SLC18B1: variants seen among roughly 807,000 people sequenced by gnomAD.
The protein encoded by SLC18B1 is solute carrier family 18 member B1, also known as MFS-type transporter SLC18B1.
Under a neutral mutation model 53.9 loss-of-function variants are expected in SLC18B1, and 62 were observed. The observed-to-expected ratio is 1.15, with a 90% CI of 0.94 to 1.42. The LOEUF (loss-of-function observed/expected upper bound fraction) is 1.42. Among genes scored for constraint, SLC18B1 ranks in the 40% most tolerant of loss-of-function variants. SLC18B1 has a pLI of 0.00. For missense variants in SLC18B1, 598 were observed against 547.3 expected (o/e 1.09, Z -0.93); for synonymous variants, 217 against 200.9 (o/e 1.08, Z -0.68).
At chr6:132,782,017 G>C (rs1781250268) in intron 6 of SLC18B1, among the ~76,000 whole-genome samples, 1 of 151,468 alleles carries the variant, frequency 6.6e-6, no homozygotes, top group African/African-American at 2.4e-5. Flanking sequence ...GTGAAACTCT[G>C]TCTCTACTAA....
At chr6:132,772,868 A>C in intron 10 of SLC18B1, 125 bp downstream of exon 10, 2 of 637,704 alleles carry the variant, frequency 3.1e-6, no homozygotes, top group East Asian at 2.7e-5. Flanking sequence ...TATGCTACAA[A>C]ATCATGAAGA....
At chr6:132,783,299 T>A (rs1212613360) in intron 6 of SLC18B1, among the ~76,000 whole-genome samples, 10 of 151,950 alleles carry the variant, frequency 6.6e-5, no homozygotes, top group South Asian at 2.1e-4. Context: ...GCCTCAGCCT[T>A]CTGAGTAGCT....
chr6:132,790,836 A>G (rs1781504660), intron 2 of SLC18B1, among the ~76,000 whole-genome samples: 1 of 152,172 alleles, frequency 6.6e-6, no homozygotes, highest in African/African-American at 2.4e-5. Context: ...AACACAGGTG[A>G]GAGATGCTCC....
At chr6:132,795,277 A>G (rs962636434) in intron 2 of SLC18B1, among the ~76,000 whole-genome samples, 2 of 152,126 alleles carry the variant, frequency 1.3e-5, no homozygotes, top group South Asian at 2.1e-4. Context: ...AGGGCAGACA[A>G]GAGAAAGCCA....
rs141899690 is a variant in SLC18B1 at position 132,771,944 on chromosome 6, T to C, written c.1160+188A>G. Among the ~76,000 whole-genome samples, 883 of 151,994 alleles carry C rather than the reference T, an allele frequency of 5.8e-3. 4 individuals are homozygous for C. Among genetic ancestry groups the C allele is most frequent in the Middle Eastern group, 0.014 (4 of 294 alleles). On this transcript the variant is annotated intron_variant, in intron 11 of 13. Coordinates refer to ENST00000275227, the MANE Select transcript of SLC18B1 (RefSeq NM_052831.3). ...CTGTCTCTACTAAAAATACAAAAAT[T>C]AGCCAGATGTGGTGGTGGGCACCTG...
At chr6:132,792,261 A>C (rs144965523) in intron 2 of SLC18B1, among the ~76,000 whole-genome samples, 2 of 40,414 alleles carry the variant, frequency 4.9e-5, no homozygotes, top group African/African-American at 1.8e-4. Flanking sequence ...GAAAGAAAGA[A>C]AGAAAGAAAG....
intron 8 of SLC18B1, 80 bp downstream of exon 8, chr6:132,776,248 C>T: frequency 9.0e-7 from 1 of 1,111,736 alleles, no homozygotes; most frequent in Non-Finnish European, 1.3e-6. Context: ...CAGTGGAATC[C>T]TAGAGTTCCA....
intron 2 of SLC18B1, among the ~76,000 whole-genome samples, chr6:132,792,289 A>AAGGAAGGAAGGAAG (rs1781558425): frequency 2.0e-5 from 1 of 49,628 alleles, no homozygotes; most frequent in Non-Finnish European, 4.0e-5. Flanking sequence ...GAAAGGAAGA[A>AAGGAAGGAAGGAAG]AGGAAGGAAG....
chr6:132,772,443 T>C (rs1432020926), intron 10 of SLC18B1, among the ~76,000 whole-genome samples: 2 of 152,176 alleles, frequency 1.3e-5, no homozygotes, highest in Admixed American at 6.5e-5. Context: ...TTAAGAAGCA[T>C]GGCTCATTTG....
intron 7 of SLC18B1, 47 bp downstream of exon 7, chr6:132,779,221 C>T (rs1198444928): frequency 3.1e-6 from 5 of 1,599,136 alleles, no homozygotes; most frequent in African/African-American, 1.3e-5. Flanking sequence ...CAAGCAGTTA[C>T]ATCCACCTGC....
chr6:132,787,506 G>C lies in SLC18B1; in HGVS notation c.429C>G (p.Ser143Arg), dbSNP rs535747863. The C allele has an allele frequency of 6.2e-7, 1 of 1,609,840 alleles. No homozygotes were observed. The highest frequency in any genetic ancestry group is 1.7e-5 in the Admixed American group (1 of 59,262). The change falls in exon 5 of 14, where the codon AGC (serine) becomes AGG (arginine). Residue 143 changes from serine (S) to arginine (R), a missense_variant. Transcript: ENST00000275227. ...AAGATGCAGTCATTGCTGCAGCAAA[G>C]CTAACTGCATCCATTACTCTCACTA... Reference protein sequence around the residue: ...CFLVRVMDAVSFAAAMTASSS... With the variant: ...CFLVRVMDAVRFAAAMTASSS...
rs553756627 is a variant in SLC18B1, at chr6:132,792,225, C to CAAGAG, written c.184-1954_184-1953insCTCTT. ...CCTGGGTGACAGAGCAAGACACTGT[C>CAAGAG]AGAAAGAAAGAAAGAAAGAAAGAAA... On this transcript the variant is annotated intron_variant, in intron 2 of 13. Coordinates refer to ENST00000275227, the MANE Select transcript of SLC18B1 (RefSeq NM_052831.3). Among the ~76,000 whole-genome samples, 55 of 44,574 alleles carry CAAGAG rather than the reference C, an allele frequency of 1.2e-3. 3 individuals carry two copies. The highest frequency in any genetic ancestry group is 4.1e-3 in the African/African-American group (54 of 13,286). 29.2% of individuals were successfully genotyped at this position (44,574 alleles called of 152,430 possible). A position where few individuals can be genotyped will look rare whatever the true frequency, so the allele number is the denominator to read the frequency against.
intron 7 of SLC18B1, 67 bp downstream of exon 7, chr6:132,779,201 G>T (rs1001753761): frequency 6.4e-5 from 101 of 1,583,576 alleles, no homozygotes; most frequent in Non-Finnish European, 8.1e-5. Context: ...CACAGAGCAG[G>T]GCCCAAGAAC....
In SLC18B1 at chr6:132,775,747, TA is replaced by T. The variant is rs796133603; in HGVS notation, c.897+580del. Among the ~76,000 whole-genome samples the T allele has an allele frequency of 1.3e-4, 20 of 152,370 alleles. 1 individual carries two copies. Among genetic ancestry groups the T allele is most frequent in the African/African-American group, 4.1e-4 (17 of 41,590 alleles). On this transcript the variant is annotated intron_variant, in intron 8 of 13. Transcript: ENST00000275227. ...GAAAGGCTATGGGATAACCAGTGCATATTTATGTGGTCAATTCTTTCACTCA... is the reference window on the plus strand; with the variant it reads ...GAAAGGCTATGGGATAACCAGTGCATTTTATGTGGTCAATTCTTTCACTCA...
At position 132,784,371 on chromosome 6, in the gene SLC18B1, T is replaced by A. The variant is rs777221105; in HGVS notation, c.502-282A>T. 1.7e-4 allele frequency among the ~76,000 whole-genome samples: 26 copies of A among 151,522 alleles called. 1 individual carries two copies. In the Middle Eastern group the frequency reaches 0.01, roughly 60 times the overall value. On this transcript the variant is annotated intron_variant, in intron 5 of 13. Transcript: ENST00000275227. ...TCTGATTACATGAAAATACGAAAAC[T>A]ATGCATAAAAAAATCAAAAGATAAA... is the stretch of plus-strand genomic sequence containing the variant.
intron 4 of SLC18B1, 129 bp from the exon 5 acceptor site, chr6:132,787,710 G>C: frequency 2.6e-6 from 2 of 775,726 alleles, no homozygotes; most frequent in Non-Finnish European, 3.6e-6. Context: ...TTTAGAATAT[G>C]ATTTTTTTAA....
Position 132,787,502 on chromosome 6 carries a change from C to G in SLC18B1, c.433G>C (p.Ala145Pro), listed in dbSNP as rs530626423. 6.2e-7 allele frequency: 1 copy of G among 1,608,688 alleles called. No individual in the cohort carries two copies. The highest frequency in any genetic ancestry group is 1.3e-5 in the African/African-American group (1 of 74,440). The change falls in exon 5 of 14, where the codon GCT becomes CCT. Residue 145 changes from alanine (A) to proline (P), a missense_variant. By Grantham distance (27) the Ala-to-Pro change is conservative. Transcript: ENST00000275227. ...GAAGAAGATGCAGTCATTGCTGCAG[C>G]AAAGCTAACTGCATCCATTACTCTC... ...LVRVMDAVSF[A>P]AAMTASSSIL...
intron 8 of SLC18B1, among the ~76,000 whole-genome samples, chr6:132,775,940 A>T (rs984056686): frequency 6.6e-6 from 1 of 152,210 alleles, no homozygotes; most frequent in Non-Finnish European, 1.5e-5. Context: ...GTGGTGGCAC[A>T]TGCCTATAAT....
chr6:132,773,290 G>GT (rs1781022135), intron 9 of SLC18B1, among the ~76,000 whole-genome samples: 2 of 122,582 alleles, frequency 1.6e-5, no homozygotes, highest in Admixed American at 1.8e-4. Flanking sequence ...GGGCGGGGGG[G>GT]TGGGGGGGAA....
Sources: allele counts gnomAD v4.1 joint callset (sites outside exome capture counted in the v4.1 genomes callset), GRCh38; gene constraint gnomAD v4.1.1; transcripts MANE v1.5; gene names NCBI Gene and HGNC (gene_info 2026-07-23, HGNC 2026-07-21).